CCNY: variants seen among roughly 807,000 people sequenced by gnomAD.
The protein encoded by CCNY is cyclin-Y.
A neutral mutation model predicts 42.8 loss-of-function variants in CCNY; 19 were observed. The ratio of observed to expected loss-of-function variants is 0.44; its 90% confidence interval spans 0.31 to 0.65. The LOEUF (loss-of-function observed/expected upper bound fraction) is 0.65. Among genes scored for constraint, CCNY ranks in the 30% least tolerant of loss-of-function variants. The pLI is 0.07. For synonymous variants in CCNY, 165 were observed against 162.7 expected (o/e 1.01, Z -0.11); for missense variants, 370 against 437.3 (o/e 0.85, Z 1.37).
At chr10:35,289,410 A>G (rs1392003976) in intron 3 of CCNY, 1 of 152,160 alleles carries the variant, frequency 6.6e-6, no homozygotes, top group Non-Finnish European at 1.5e-5. Context: ...GGCCCTCCAG[A>G]AAAAGGAAGA....
intron 1 of CCNY, among the ~76,000 whole-genome samples, chr10:35,381,087 G>A (rs1837173195): frequency 6.6e-6 from 1 of 152,156 alleles, no homozygotes; most frequent in Non-Finnish European, 1.5e-5. Context: ...AGTAATAAAA[G>A]CATCCAGAAG....
intron 3 of CCNY, among the ~76,000 whole-genome samples, chr10:35,318,310 C>A (rs761683665): frequency 6.6e-6 from 1 of 152,110 alleles, no homozygotes; most frequent in Admixed American, 6.6e-5. Context: ...GTTGTGACCA[C>A]CAACTCTGTG....
At chr10:35,513,153 A>C (rs776564030) in intron 3 of CCNY, among the ~76,000 whole-genome samples, 2 of 152,168 alleles carry the variant, frequency 1.3e-5, no homozygotes, top group Non-Finnish European at 2.9e-5. Flanking sequence ...GAATACATGG[A>C]CTAAATGACC....
intron 2 of CCNY, among the ~76,000 whole-genome samples, chr10:35,496,840 AAG>A (rs1269866941): frequency 6.6e-6 from 1 of 152,200 alleles, no homozygotes; most frequent in African/African-American, 2.4e-5. Flanking sequence ...ACATTGTGGC[AAG>A]AGAGTGTCCC....
chr10:35,297,661 C>T (rs777837129), intron 3 of CCNY, among the ~76,000 whole-genome samples: 5 of 152,090 alleles, frequency 3.3e-5, no homozygotes, highest in African/African-American at 4.8e-5. Context: ...ACAAAATTAA[C>T]GTACAAAAAT....
chr10:35,358,640 C>G (rs546879359), intron 1 of CCNY, among the ~76,000 whole-genome samples: 14 of 152,294 alleles, frequency 9.2e-5, no homozygotes, highest in African/African-American at 3.1e-4. Flanking sequence ...AAGGCCTGAC[C>G]TGTAGATACA....
chr10:35,373,777 TATTA>T (rs1836990446), intron 1 of CCNY, among the ~76,000 whole-genome samples: 1 of 152,192 alleles, frequency 6.6e-6, no homozygotes, highest in African/African-American at 2.4e-5. Flanking sequence ...ACAAAATATG[TATTA>T]ATTGTGTTAT....
chr10:35,434,559 C>CT (rs1838484550), intron 1 of CCNY, among the ~76,000 whole-genome samples: 1 of 152,180 alleles, frequency 6.6e-6, no homozygotes, highest in African/African-American at 2.4e-5. Flanking sequence ...ATTTTGAACT[C>CT]TGTTTTTCTT....
rs114222858 is a variant in CCNY at position 35,450,345 on chromosome 10, C to T, written c.155-33059C>T. 6.8e-3 allele frequency among the ~76,000 whole-genome samples: 1,029 copies of T among 152,102 alleles called. 10 individuals carry two copies. The highest frequency in any genetic ancestry group is 0.024 in the African/African-American group (983 of 41,458). On this transcript the variant is annotated intron_variant, in intron 1 of 9. Coordinates refer to ENST00000374704, the MANE Select transcript of CCNY (RefSeq NM_145012.6). ...GTTAAGATTAAAACACCAGGCCTTG[C>T]AGGGCAGTGGCATCCTGGGTTTTAG...
rs568875513 is a variant in CCNY, at chr10:35,571,306, A to C, written c.*2136A>C. On this transcript the variant is annotated 3_prime_UTR_variant, in exon 10 of 10. Transcript: ENST00000374704. Reference sequence around the variant, plus strand: ...CATCTGCTATTATTTTGTGGAGTTTATTAAACTACTTTAAAAAAATTGTAT... The same window carrying C: ...CATCTGCTATTATTTTGTGGAGTTTCTTAAACTACTTTAAAAAAATTGTAT... 39 of 151,966 alleles carry C rather than the reference A, an allele frequency of 2.6e-4. No individual in the cohort carries two copies. Among genetic ancestry groups the C allele is most frequent in the Non-Finnish European group, 4.9e-4 (33 of 67,820 alleles). 9.4% of individuals were successfully genotyped at this position (151,966 alleles called of 1,614,324 possible).
intron 1 of CCNY, among the ~76,000 whole-genome samples, chr10:35,444,646 T>C (rs1353455133): frequency 1.3e-5 from 2 of 152,228 alleles, no homozygotes; most frequent in Non-Finnish European, 1.5e-5. Flanking sequence ...CACTAGGTGA[T>C]AGCAGTTTTT....
intron 3 of CCNY, among the ~76,000 whole-genome samples, chr10:35,284,310 A>G (rs1456087925): frequency 6.6e-6 from 1 of 152,066 alleles, no homozygotes; most frequent in Non-Finnish European, 1.5e-5. Context: ...ACATCTGTAA[A>G]ACCATCACCA....
At chr10:35,552,964 C>A in intron 7 of CCNY, 55 bp from the exon 8 acceptor site, 1 of 1,529,996 alleles carries the variant, frequency 6.5e-7, no homozygotes. Flanking sequence ...TTGAGGTGTG[C>A]TGGTGTTTAG....
chr10:35,483,273 CAT>C (rs1469571625), intron 1 of CCNY, 129 bp from the exon 2 acceptor site: 1 of 649,928 alleles, frequency 1.5e-6, no homozygotes, highest in Non-Finnish European at 2.7e-6. Context: ...AATCTATTAA[CAT>C]AATAGCTATA....
In CCNY at chr10:35,337,146, C is replaced by T; in HGVS notation, c.93C>T (p.Asp31=). The T allele has an allele frequency of 1.9e-6, 3 of 1,586,302 alleles. No individual in the cohort carries two copies. Among genetic ancestry groups the T allele is most frequent in the African/African-American group, 2.7e-5 (2 of 72,944 alleles). The change falls in exon 1 of 10, where the codon GAC becomes GAT. Residue 31 remains aspartate, a synonymous_variant. Transcript: ENST00000374704. The stretch of plus-strand genomic sequence containing the variant: ...TGGAGTCCTACCGGCCAGACACGGA[C>T]CTGAGCCGCGAGGACACGGGCTGCA... ...SRLESYRPDT[D]LSREDTGCNL... is the part of the protein sequence containing the mutation.
intron 1 of CCNY, among the ~76,000 whole-genome samples, chr10:35,423,307 TCTACAAAACA>T: frequency 6.6e-6 from 1 of 152,214 alleles, no homozygotes; most frequent in Non-Finnish European, 1.5e-5. Context: ...AAACCCCGTC[TCTACAAAACA>T]TGCAAAAATC....
intron 3 of CCNY, among the ~76,000 whole-genome samples, chr10:35,281,818 G>A (rs1408768426): frequency 6.6e-6 from 1 of 152,084 alleles, no homozygotes. Context: ...TTCTAAAATG[G>A]ATGGTGTTGA....
chr10:35,438,954 T>C (rs772620466), intron 1 of CCNY, among the ~76,000 whole-genome samples: 6 of 152,200 alleles, frequency 3.9e-5, no homozygotes, highest in Non-Finnish European at 8.8e-5. Flanking sequence ...TCACCTCTTT[T>C]CTTTCAATCC....
At chr10:35,450,017 T>C (rs1004321498) in intron 1 of CCNY, among the ~76,000 whole-genome samples, 2 of 152,144 alleles carry the variant, frequency 1.3e-5, no homozygotes, top group African/African-American at 4.8e-5. Flanking sequence ...TAATCAGCTC[T>C]GGGATTTGCC....
Sources: allele counts gnomAD v4.1 joint callset (sites outside exome capture counted in the v4.1 genomes callset), GRCh38; gene constraint gnomAD v4.1.1; transcripts MANE v1.5; gene names NCBI Gene and HGNC (gene_info 2026-07-23, HGNC 2026-07-21).